The following LUZP2 variants were observed in gnomAD, a reference collection of about 807,000 sequenced individuals.
LUZP2 encodes leucine zipper protein 2.
A neutral mutation model predicts 51.6 loss-of-function variants in LUZP2; 52 were observed. The observed-to-expected ratio is 1.01, with a 90% confidence interval of 0.81 to 1.27. LUZP2 has a LOEUF of 1.27. LUZP2 is among the 50% of genes most tolerant of loss of function. LUZP2 has a pLI of 0.00. For missense variants in LUZP2, 436 were observed against 395.4 expected, an observed-to-expected ratio of 1.10 and a Z score of -0.87; for synonymous variants, 154 against 137.3, an observed-to-expected ratio of 1.12 and a Z score of -0.85.
At chr11:24,691,074 G>T (rs1434998475) in intron 1 of LUZP2, among the ~76,000 whole-genome samples, 2 of 151,882 alleles carry the variant, frequency 1.3e-5, no homozygotes, top group African/African-American at 2.4e-5. Flanking sequence ...TCAGGAAATA[G>T]AATTTATCAG....
intron 7 of LUZP2, among the ~76,000 whole-genome samples, chr11:24,915,098 A>T (rs1853751825): frequency 6.6e-6 from 1 of 152,160 alleles, no homozygotes; most frequent in African/African-American, 2.4e-5. Flanking sequence ...TTTACATTTT[A>T]TGAAATCAGG....
chr11:24,950,683 C>T (rs566441523), intron 7 of LUZP2, among the ~76,000 whole-genome samples: 16 of 151,466 alleles, frequency 1.1e-4, no homozygotes, highest in African/African-American at 3.9e-4. Flanking sequence ...TCAAACTTCC[C>T]GATAATTACC....
intron 5 of LUZP2, chr11:24,892,155 A>G: frequency 2.0e-6 from 2 of 985,586 alleles, no homozygotes; most frequent in South Asian, 4.7e-5. Flanking sequence ...TTATTTCTTA[A>G]GAATCTCTGT....
intron 1 of LUZP2, among the ~76,000 whole-genome samples, chr11:24,510,245 A>C (rs946724468): frequency 3.9e-5 from 6 of 152,208 alleles, no homozygotes; most frequent in African/African-American, 1.4e-4. Flanking sequence ...GAGTGTACTG[A>C]GGATTTAAAT....
At chr11:24,854,187 A>G (rs2134229901) in intron 5 of LUZP2, among the ~76,000 whole-genome samples, 1 of 152,352 alleles carries the variant, frequency 6.6e-6, no homozygotes, top group East Asian at 1.9e-4. Context: ...GCCAACAGGC[A>G]GGAATATTTA....
intron 1 of LUZP2, among the ~76,000 whole-genome samples, chr11:24,514,084 C>T (rs556910126): frequency 1.3e-4 from 20 of 152,112 alleles, no homozygotes; most frequent in Non-Finnish European, 2.4e-4. Flanking sequence ...ATGAGTGGTA[C>T]CCCTAAACAG....
chr11:24,860,951 G>A (rs1054390314), intron 5 of LUZP2, among the ~76,000 whole-genome samples: 52 of 152,180 alleles, frequency 3.4e-4, no homozygotes, highest in African/African-American at 1.2e-3. Context: ...ACTGGATGGA[G>A]GATCAGATGG....
chr11:25,064,126 A>T (rs1858928976), intron 10 of LUZP2, among the ~76,000 whole-genome samples: 1 of 146,566 alleles, frequency 6.8e-6, no homozygotes, highest in African/African-American at 2.4e-5. Context: ...ACTAGGTTGT[A>T]CATTTTCAAT....
intron 5 of LUZP2, among the ~76,000 whole-genome samples, chr11:24,836,540 C>A (rs1850864329): frequency 1.3e-5 from 2 of 151,796 alleles, no homozygotes; most frequent in South Asian, 2.1e-4. Flanking sequence ...AAATCAAAAT[C>A]ATGTGCCATT....
chr11:24,637,979 A>G (rs1855160955), intron 1 of LUZP2, among the ~76,000 whole-genome samples: 1 of 151,730 alleles, frequency 6.6e-6, no homozygotes, highest in Admixed American at 6.6e-5. Flanking sequence ...TCATGGTCCT[A>G]CCAATATGTG....
intron 7 of LUZP2, among the ~76,000 whole-genome samples, chr11:24,953,069 C>A (rs1386076530): frequency 6.6e-6 from 1 of 151,910 alleles, no homozygotes; most frequent in Non-Finnish European, 1.5e-5. Context: ...CATTAAAAAT[C>A]TCTACTAAAA....
At chr11:24,717,328 G>T (rs1858085426) in intron 1 of LUZP2, among the ~76,000 whole-genome samples, 1 of 151,550 alleles carries the variant, frequency 6.6e-6, no homozygotes, top group African/African-American at 2.4e-5. Context: ...AGTACATGTG[G>T]AGGTTTGTTA....
chr11:24,982,305 A>G (rs1056964090), intron 8 of LUZP2, among the ~76,000 whole-genome samples: 1 of 151,898 alleles, frequency 6.6e-6, no homozygotes, highest in Non-Finnish European at 1.5e-5. Flanking sequence ...AGACACATGC[A>G]TGTGAGTGAT....
At chr11:24,752,769 GA>G (rs750997219) in intron 4 of LUZP2, among the ~76,000 whole-genome samples, 8 of 151,772 alleles carry the variant, frequency 5.3e-5, no homozygotes, top group Middle Eastern at 3.4e-3. Context: ...TAATGGAAAG[GA>G]AAAAAGGCAA....
intron 9 of LUZP2, among the ~76,000 whole-genome samples, chr11:25,010,976 A>G (rs1040212197): frequency 6.6e-6 from 1 of 152,222 alleles, no homozygotes; most frequent in Admixed American, 6.5e-5. Flanking sequence ...TAGATAGATA[A>G]GTGAATATCA....
At chr11:24,774,148 A>G (rs1848834102) in intron 5 of LUZP2, among the ~76,000 whole-genome samples, 1 of 151,658 alleles carries the variant, frequency 6.6e-6, no homozygotes, top group South Asian at 2.1e-4. Flanking sequence ...AAAAATGTGA[A>G]AAGAGAGACT....
chr11:24,968,513 C>T (rs1219743897), intron 7 of LUZP2, among the ~76,000 whole-genome samples: 2 of 152,106 alleles, frequency 1.3e-5, no homozygotes, highest in Non-Finnish European at 2.9e-5. Flanking sequence ...TGGAGCTCTA[C>T]TATCCTTCTA....
chr11:24,716,051 T>C (rs1858029673), intron 1 of LUZP2, among the ~76,000 whole-genome samples: 1 of 152,156 alleles, frequency 6.6e-6, no homozygotes, highest in African/African-American at 2.4e-5. Flanking sequence ...TAAATGATAT[T>C]GTAAAATGTC....
At chr11:24,900,344 C>T (rs1314165218) in intron 5 of LUZP2, among the ~76,000 whole-genome samples, 2 of 152,014 alleles carry the variant, frequency 1.3e-5, no homozygotes, top group African/African-American at 4.8e-5. Context: ...TCCATTCTGG[C>T]TTGTTGGAAA....
Sources: allele counts gnomAD v4.1 joint callset (sites outside exome capture counted in the v4.1 genomes callset), GRCh38; gene constraint gnomAD v4.1.1; transcripts MANE v1.5; gene names NCBI Gene and HGNC (gene_info 2026-07-23, HGNC 2026-07-21).